The following GDAP1 variants were observed in gnomAD, a reference collection of about 807,000 sequenced individuals.
The protein encoded by GDAP1 is ganglioside-induced differentiation-associated protein 1.
GDAP1 carries 34 observed loss-of-function variants against 40.1 expected under a neutral mutation model. The observed-to-expected ratio is 0.85, with a 90% CI of 0.64 to 1.13. The LOEUF (loss-of-function observed/expected upper bound fraction) is 1.13. Among genes scored for constraint, GDAP1 ranks in the 50% most tolerant of loss-of-function variants. GDAP1 has a pLI of 0.00. For missense variants in GDAP1, 374 were observed against 433.7 expected (o/e 0.86, Z 1.22); for synonymous variants, 170 against 157.4 (o/e 1.08, Z -0.60).
chr8:74,437,787 C>T (rs1379128249), intron 2 of GDAP1, among the ~76,000 whole-genome samples: 1 of 152,064 alleles, frequency 6.6e-6, no homozygotes, highest in Non-Finnish European at 1.5e-5. Flanking sequence ...GAGATTTAAG[C>T]ACATGGTACG....
Position 74,355,391 on chromosome 8 carries a change from C to G in GDAP1, c.310+3925C>G, listed in dbSNP as rs769878205. 2.1e-4 allele frequency among the ~76,000 whole-genome samples: 32 copies of G among 152,154 alleles called. 1 individual carries two copies. Among genetic ancestry groups the G allele is most frequent in the Admixed American group, 1.6e-3 (24 of 15,282 alleles). On this transcript the variant is annotated intron_variant, in intron 2 of 5. Coordinates refer to ENST00000220822, the MANE Select transcript of GDAP1 (RefSeq NM_018972.4). ...GCTAGTCTTCAAAGATAATTTCTTT[C>G]TATAAGTTTGCTGATAATTCCAAAT...
intron 4 of GDAP1, among the ~76,000 whole-genome samples, chr8:74,362,321 T>TG (rs1809409026): frequency 6.6e-6 from 1 of 152,176 alleles, no homozygotes; most frequent in Non-Finnish European, 1.5e-5. Flanking sequence ...TCGCCCTGAC[T>TG]TGCTTTGCCC....
intron 2 of GDAP1, among the ~76,000 whole-genome samples, chr8:74,401,668 T>C (rs995188129): frequency 2.7e-5 from 4 of 149,848 alleles, no homozygotes; most frequent in African/African-American, 5.1e-5. Context: ...TCCGTTTTTT[T>C]CCCCATCTTT....
Position 74,451,332 on chromosome 8 carries a change from C to T in GDAP1, c.166-37346C>T, listed in dbSNP as rs1344758499. Reference sequence around the variant, plus strand: ...GGGCATGGTGATGCATGCCTGTAATCCCAGCTACTCAGGAGGCTGAGGCAG... The same window carrying T: ...GGGCATGGTGATGCATGCCTGTAATTCCAGCTACTCAGGAGGCTGAGGCAG... On this transcript the variant is annotated intron_variant, in intron 2 of 2. Coordinates refer to the GDAP1 transcript ENST00000523640. Among the ~76,000 whole-genome samples, 8 of 80,728 alleles carry T rather than the reference C, an allele frequency of 9.9e-5. 4 individuals carry two copies. The highest frequency in any genetic ancestry group is 3.3e-4 in the African/African-American group (6 of 18,280). The allele number at this position is 80,728 out of a possible 152,430, so 53.0% of individuals were successfully genotyped here.
In GDAP1 at chr8:74,365,990, C is replaced by A. The variant is rs749408948; in HGVS notation, c.*1623C>A. The A allele has an allele frequency of 2.2e-6, 1 of 452,088 alleles. No individual in the cohort carries two copies. The highest frequency in any genetic ancestry group is 4.4e-6 in the Non-Finnish European group (1 of 226,324). 28.0% of individuals were successfully genotyped at this position (452,088 alleles called of 1,614,324 possible). ...CATAGTGTTTGAGTTCTTTATGTCACTCTGTTAGAAACAAGAACTGAGTCG... is the reference window on the plus strand; with the variant it reads ...CATAGTGTTTGAGTTCTTTATGTCAATCTGTTAGAAACAAGAACTGAGTCG... On this transcript the variant is annotated 3_prime_UTR_variant, in exon 6 of 6. Transcript: ENST00000220822.
downstream of GDAP1, among the ~76,000 whole-genome samples, chr8:74,367,658 G>A (rs1262053075): frequency 1.3e-5 from 2 of 152,190 alleles, no homozygotes; most frequent in East Asian, 1.9e-4. Flanking sequence ...ATATCAGAAT[G>A]TCTTGATTTT....
chr8:74,373,826 T>C (rs1481086613), intron 2 of GDAP1, among the ~76,000 whole-genome samples: 1 of 152,218 alleles, frequency 6.6e-6, no homozygotes, highest in African/African-American at 2.4e-5. Flanking sequence ...GGCATCCCTG[T>C]CTTGTGCCAG....
Position 74,363,377 on chromosome 8 carries a change from T to C in GDAP1, c.694+324T>C, listed in dbSNP as rs180730611. ...TGCTTGAATATTCCCTCTAGTTTTT[T>C]CCTTAGGCAGGGAGACAGCCTCCAA... On this transcript the variant is annotated intron_variant, in intron 5 of 5. Transcript: ENST00000220822. Among the ~76,000 whole-genome samples, 23 of 152,348 alleles carry C rather than the reference T, an allele frequency of 1.5e-4. No individual in the cohort carries two copies. The East Asian group carries it at 4.4e-3, about 29-fold the overall frequency.
intron 2 of GDAP1, among the ~76,000 whole-genome samples, chr8:74,422,361 CCTT>C (rs1563465607): frequency 1.9e-4 from 12 of 61,670 alleles, no homozygotes; most frequent in East Asian, 8.9e-4. Context: ...TCCCTTCCTT[CCTT>C]CCTTCCTTCC....
chr8:74,407,822 C>A (rs1805660528), intron 2 of GDAP1, among the ~76,000 whole-genome samples: 1 of 141,926 alleles, frequency 7.0e-6, no homozygotes, highest in Non-Finnish European at 1.5e-5. Flanking sequence ...AGGCCGCATT[C>A]CTGGTCAGAA....
intron 2 of GDAP1, among the ~76,000 whole-genome samples, chr8:74,472,139 T>A (rs976396914): frequency 9.9e-5 from 15 of 152,198 alleles, no homozygotes; most frequent in Non-Finnish European, 1.9e-4. Flanking sequence ...CCCTTTTGTG[T>A]CCATGTGTTC....
At position 74,413,239 on chromosome 8, in the gene GDAP1, C is replaced by T. The variant is rs539154198; in HGVS notation, c.165+61918C>T. ...ACTTAATGCAGCTATAAAATCTGGA[C>T]AGAATGCACAGAGCAGCTATTTGAG... On this transcript the variant is annotated intron_variant, in intron 2 of 2. Transcript: ENST00000523640. 4.9e-4 allele frequency among the ~76,000 whole-genome samples: 73 copies of T among 149,706 alleles called. 1 individual carries two copies. The highest frequency in any genetic ancestry group is 9.9e-4 in the Non-Finnish European group (67 of 68,000).
At position 74,357,460 on chromosome 8, in the gene GDAP1, C is replaced by T. The variant is rs567259975; in HGVS notation, c.311-2677C>T. On this transcript the variant is annotated intron_variant, in intron 2 of 5. Coordinates refer to ENST00000220822, the MANE Select transcript of GDAP1 (RefSeq NM_018972.4). The stretch of plus-strand genomic sequence containing the variant: ...CTTGAGAATGTAGAGGCCCATTTGT[C>T]TCCATTACATGGCTGCAGAATGCTT... Among the ~76,000 whole-genome samples, 152 of 152,340 alleles carry T rather than the reference C, an allele frequency of 1.0e-3. No individual in the cohort carries two copies. The Middle Eastern group carries it at 0.01, about 10-fold the overall frequency.
chr8:74,362,775 T>G (rs1011688682), intron 4 of GDAP1, among the ~76,000 whole-genome samples, 164 bp from the exon 5 acceptor site: 4 of 51,864 alleles, frequency 7.7e-5, no homozygotes, highest in East Asian at 5.4e-4. Context: ...AACTTAGCTC[T>G]CTCTCTCTCT....
At chr8:74,360,776 T>C (rs1809323350) in intron 3 of GDAP1, among the ~76,000 whole-genome samples, 1 of 152,220 alleles carries the variant, frequency 6.6e-6, no homozygotes, top group Non-Finnish European at 1.5e-5. Flanking sequence ...GTAGATTTAT[T>C]GGGATTGAGT....
Position 74,420,614 on chromosome 8 carries a change from C to T in GDAP1, c.166-68064C>T, listed in dbSNP as rs78887238. Among the ~76,000 whole-genome samples the T allele has an allele frequency of 5.6e-3, 849 of 152,222 alleles. 9 individuals carry two copies. The highest frequency in any genetic ancestry group is 0.019 in the African/African-American group (782 of 41,546). On this transcript the variant is annotated intron_variant, in intron 2 of 2. Coordinates refer to the GDAP1 transcript ENST00000523640. ...TCTCTTGAATGTGTCAGATGCTGTG[C>T]GGAGTGCTTTGCATTACCTACTTCA...
intron 2 of GDAP1, among the ~76,000 whole-genome samples, chr8:74,459,969 C>A (rs753889237): frequency 1.3e-5 from 2 of 152,300 alleles, no homozygotes; most frequent in East Asian, 3.9e-4. Flanking sequence ...GGAGCTTTGT[C>A]ACTGGAATAC....
chr8:74,426,978 A>G (rs1805955467), intron 2 of GDAP1, among the ~76,000 whole-genome samples: 1 of 152,164 alleles, frequency 6.6e-6, no homozygotes, highest in South Asian at 2.1e-4. Context: ...GGCCTCTTAT[A>G]AATCACCCTT....
At chr8:74,359,536 T>G (rs909665437) in intron 2 of GDAP1, among the ~76,000 whole-genome samples, 2 of 152,236 alleles carry the variant, frequency 1.3e-5, no homozygotes, top group Admixed American at 1.3e-4. Flanking sequence ...ATATAGATTG[T>G]CATTCACATT....
Sources: allele counts gnomAD v4.1 joint callset (sites outside exome capture counted in the v4.1 genomes callset), GRCh38; gene constraint gnomAD v4.1.1; transcripts MANE v1.5; gene names NCBI Gene and HGNC (gene_info 2026-07-23, HGNC 2026-07-21).